Variants in GNB1L observed in about 807,000 individuals in gnomAD.
GNB1L encodes the protein G protein subunit beta 1 like.
GNB1L carries 20 observed loss-of-function variants against 29.1 expected under a neutral mutation model. That is an observed-to-expected ratio of 0.69 (90% confidence interval 0.48 to 1.00). The LOEUF (loss-of-function observed/expected upper bound fraction) is 1.00. Ranked by LOEUF, GNB1L falls within the 50% of genes least tolerant of loss-of-function variation. GNB1L has a pLI of 0.00. For synonymous variants in GNB1L, 193 were observed against 206.5 expected, an observed-to-expected ratio of 0.93 and a Z score of 0.56; for missense variants, 421 against 464.9, an observed-to-expected ratio of 0.91 and a Z score of 0.87.
At chr22:19,791,987 G>C (rs896365897) in intron 7 of GNB1L, among the ~76,000 whole-genome samples, 1 of 152,174 alleles carries the variant, frequency 6.6e-6, no homozygotes, top group African/African-American at 2.4e-5. Context: ...CAAAAGCCAA[G>C]CCTGCACAAG....
intron 6 of GNB1L, among the ~76,000 whole-genome samples, chr22:19,802,850 T>C (rs1937390884): frequency 6.6e-6 from 1 of 152,218 alleles, no homozygotes; most frequent in Non-Finnish European, 1.5e-5. Context: ...GTCAGAGGGC[T>C]CCAAGCCCTG....
At chr22:19,810,265 G>A (rs1326127292) in intron 5 of GNB1L, among the ~76,000 whole-genome samples, 2 of 152,152 alleles carry the variant, frequency 1.3e-5, no homozygotes, top group East Asian at 3.9e-4. Context: ...GCCATACACA[G>A]TCCCCAACCA....
intron 5 of GNB1L, among the ~76,000 whole-genome samples, chr22:19,807,107 G>A (rs1057095890): frequency 6.6e-6 from 1 of 152,002 alleles, no homozygotes; most frequent in Non-Finnish European, 1.5e-5. Context: ...CATAGCCATG[G>A]TTCTAAGACT....
chr22:19,851,396 G>C (rs749589909), intron 2 of GNB1L: 1 of 1,614,096 alleles, frequency 6.2e-7, no homozygotes, highest in South Asian at 1.1e-5. Context: ...TGGCTGGGAA[G>C]AGGCTGGTTC....
intron 2 of GNB1L, among the ~76,000 whole-genome samples, chr22:19,853,394 T>C (rs1476446324): frequency 6.6e-6 from 1 of 152,094 alleles, no homozygotes; most frequent in Non-Finnish European, 1.5e-5. Context: ...TCTATTCCAG[T>C]GCAAGGAGCC....
chr22:19,806,980 C>T lies in GNB1L; in HGVS notation c.418-223G>A, dbSNP rs531032496. On this transcript the variant is annotated intron_variant, in intron 5 of 7. Transcript: ENST00000329517. ...GCCTGGCAGCTGCCCCAGCCTCTCC[C>T]GACGTTACCGTGCAGGCTGAGCAGG... 2.0e-5 allele frequency among the ~76,000 whole-genome samples: 3 copies of T among 152,340 alleles called. No individual in the cohort carries two copies. In the South Asian group the frequency reaches 6.2e-4, roughly 32 times the overall value.
rs1937192373 is a variant in GNB1L, at chr22:19,786,467, A to G, written c.*2242T>C. Reference sequence around the variant, plus strand: ...CATCAGCAGGCAGTGCCACTCGCCAACCTCATGCTGGCATGCACACCTGGG... The same window carrying G: ...CATCAGCAGGCAGTGCCACTCGCCAGCCTCATGCTGGCATGCACACCTGGG... On this transcript the variant is annotated 3_prime_UTR_variant, in exon 8 of 8. Coordinates refer to ENST00000329517, the MANE Select transcript of GNB1L (RefSeq NM_053004.3). 2.0e-5 allele frequency: 3 copies of G among 152,422 alleles called. No homozygotes were observed. The allele number at this position is 152,422 out of a possible 1,614,324, so 9.4% of individuals were successfully genotyped here. A position where few individuals can be genotyped will look rare whatever the true frequency, so the allele number is the denominator to read the frequency against.
chr22:19,850,839 A>C, intron 2 of GNB1L: 1 of 1,306,252 alleles, frequency 7.7e-7, no homozygotes, highest in Non-Finnish European at 9.7e-7. Context: ...GAGGTGACAA[A>C]GATGATGCAA....
At chr22:19,849,823 C>G (rs1468953337) in intron 2 of GNB1L, 2 of 985,300 alleles carry the variant, frequency 2.0e-6, no homozygotes, top group Non-Finnish European at 2.4e-6. Flanking sequence ...ACTTGAACTT[C>G]TTGTCCAAGC....
intron 2 of GNB1L, chr22:19,849,387 G>A (rs11705553): frequency 0.17 from 123,220 of 729,920 alleles, 16,536 homozygotes; most frequent in African/African-American, 0.63. Flanking sequence ...TTTTTTTTTG[G>A]GATGGAGTTT....
At chr22:19,847,203 G>A (rs773329957) in intron 2 of GNB1L, 18 of 985,362 alleles carry the variant, frequency 1.8e-5, no homozygotes, top group Non-Finnish European at 2.2e-5. Flanking sequence ...GTCAGCACAG[G>A]TCTGACAGGC....
In GNB1L at chr22:19,783,294, C is replaced by T; in HGVS notation, c.*5415G>A. ...GATGAGGCCAAATGACTCGATTTCT[C>T]TACACCCCACATTTTACAGGTTTCA... is the stretch of plus-strand genomic sequence containing the variant. On this transcript the variant is annotated 3_prime_UTR_variant, in exon 8 of 8. Coordinates refer to ENST00000329517, the MANE Select transcript of GNB1L (RefSeq NM_053004.3). 2.2e-6 allele frequency: 1 copy of T among 448,922 alleles called. No homozygotes were observed. The highest frequency in any genetic ancestry group is 4.7e-5 in the East Asian group (1 of 21,470). The allele number at this position is 448,922 out of a possible 1,614,324, so 27.8% of individuals were successfully genotyped here.
At chr22:19,829,484 A>G (rs1460606935) in intron 2 of GNB1L, among the ~76,000 whole-genome samples, 1 of 152,234 alleles carries the variant, frequency 6.6e-6, no homozygotes, top group African/African-American at 2.4e-5. Flanking sequence ...CTGAAACCAC[A>G]AAAATTTTTT....
chr22:19,815,229 G>A (rs1392937685), intron 4 of GNB1L, among the ~76,000 whole-genome samples: 1 of 152,214 alleles, frequency 6.6e-6, no homozygotes, highest in Non-Finnish European at 1.5e-5. Context: ...GCCGTGCGGT[G>A]TGCGGTGTGC....
At chr22:19,848,481 AAGG>A in intron 2 of GNB1L, 3 of 985,488 alleles carry the variant, frequency 3.0e-6, no homozygotes, top group Middle Eastern at 5.2e-4. Context: ...GCCACTCTGA[AAGG>A]AGCTGTGTGC....
chr22:19,847,134 C>T, intron 2 of GNB1L: 1 of 985,432 alleles, frequency 1.0e-6, no homozygotes, highest in Non-Finnish European at 1.2e-6. Flanking sequence ...TACTTGTGGC[C>T]TGCTGTGGCC....
At chr22:19,799,649 C>T (rs917492569) in intron 7 of GNB1L, among the ~76,000 whole-genome samples, 5 of 152,240 alleles carry the variant, frequency 3.3e-5, no homozygotes, top group Non-Finnish European at 7.3e-5. Context: ...TCAGAGGCTT[C>T]GGCAGGAGGG....
intron 2 of GNB1L, chr22:19,852,371 G>A: frequency 1.6e-6 from 2 of 1,223,336 alleles, no homozygotes; most frequent in South Asian, 1.5e-5. Flanking sequence ...AACAGGGCGT[G>A]GCAGACCCGC....
At chr22:19,812,571 C>T (rs1351062183) in intron 4 of GNB1L, 124 bp from the exon 5 acceptor site, 7 of 917,938 alleles carry the variant, frequency 7.6e-6, no homozygotes, top group African/African-American at 5.0e-5. Context: ...CTTGGATCAT[C>T]GCAGGTCGGG....
Sources: gnomAD v4.1 joint callset for allele counts (sites outside exome capture counted in the v4.1 genomes callset) on GRCh38, gnomAD v4.1.1 for gene constraint, MANE v1.5 for transcripts, NCBI Gene and HGNC (gene_info 2026-07-23, HGNC 2026-07-21) for gene names.